ATCAY: variants seen among roughly 807,000 people sequenced by gnomAD.
The protein encoded by ATCAY is ATCAY kinesin light chain interacting caytaxin.
ATCAY carries 22 observed loss-of-function variants against 47.7 expected under a neutral mutation model. The observed-to-expected ratio is 0.46, with a 90% CI of 0.33 to 0.66. The LOEUF (loss-of-function observed/expected upper bound fraction) is 0.66. ATCAY is among the 30% of genes least tolerant of loss of function. The pLI, the probability that ATCAY is intolerant of heterozygous loss-of-function variation, is 0.02. For missense variants in ATCAY, 452 were observed against 515.0 expected (o/e 0.88, Z 1.18); for synonymous variants, 216 against 207.6 (o/e 1.04, Z -0.35).
At chr19:3,893,911 G>A (rs1440726269) in intron 2 of ATCAY, among the ~76,000 whole-genome samples, 1 of 149,642 alleles carries the variant, frequency 6.7e-6, no homozygotes, top group Non-Finnish European at 1.5e-5. Flanking sequence ...CTCTGCGCCA[G>A]GCACCCTGAG....
chr19:3,886,417 T>C (rs959917772), intron 2 of ATCAY, among the ~76,000 whole-genome samples: 5 of 151,876 alleles, frequency 3.3e-5, no homozygotes, highest in East Asian at 2.0e-4. Flanking sequence ...ATGGTGAAAC[T>C]CCATCTCTAC....
At chr19:3,923,745 T>C (rs1033996294) in intron 12 of ATCAY, among the ~76,000 whole-genome samples, 8 of 129,708 alleles carry the variant, frequency 6.2e-5, no homozygotes, top group East Asian at 5.1e-4. Context: ...GGTGGATGGA[T>C]GGATGGGTAG....
In ATCAY at chr19:3,908,294, A is replaced by G. The variant is rs946719341; in HGVS notation, c.571A>G (p.Ile191Val). Residue 191 changes from isoleucine (I) to valine (V), a missense_variant, in exon 6 of 13, where the codon ATC becomes GTC. Physicochemically the swap from Ile to Val is conservative, Grantham distance 29. Transcript: ENST00000450849. Reference protein sequence around the residue: ...GGYYGEGLNAIIVFAACFLPD... With the variant: ...GGYYGEGLNAVIVFAACFLPD... The stretch of plus-strand genomic sequence containing the variant: ...GTACTACGGCGAAGGCCTCAACGCC[A>G]TCATCGTCTTCGCAGCCTGCTTCCT... 1.4e-5 allele frequency: 22 copies of G among 1,584,394 alleles called. No individual in the cohort carries two copies. The highest frequency in any genetic ancestry group is 1.9e-5 in the Non-Finnish European group (22 of 1,165,344).
intron 9 of ATCAY, among the ~76,000 whole-genome samples, chr19:3,915,771 T>C (rs1031854270): frequency 6.9e-6 from 1 of 145,836 alleles, no homozygotes; most frequent in Non-Finnish European, 1.5e-5. Flanking sequence ...CCCAGGCTGG[T>C]CTCGAACTCC....
At chr19:3,912,309 C>CA (rs1262262456) in intron 8 of ATCAY, among the ~76,000 whole-genome samples, 61 of 149,594 alleles carry the variant, frequency 4.1e-4, no homozygotes, top group African/African-American at 1.2e-3. Flanking sequence ...CCTGTCTCTA[C>CA]AAAAAAAAAT....
Position 3,909,086 on chromosome 19 carries a change from A to G in ATCAY, c.648-400A>G, listed in dbSNP as rs1476310793. ...AAATCCTGCCTCTACTAAAACTACA[A>G]TTTAGCTGGGCTCGGTGGCAGGCGC... On this transcript the variant is annotated intron_variant, in intron 6 of 12. Coordinates refer to ENST00000450849, the MANE Select transcript of ATCAY (RefSeq NM_033064.5). Among the ~76,000 whole-genome samples, 5 of 126,552 alleles carry G rather than the reference A, an allele frequency of 4.0e-5. 1 individual carries two copies. The Middle Eastern group carries it at 0.014, about 367-fold the overall frequency. 83.0% of individuals were successfully genotyped at this position (126,552 alleles called of 152,430 possible). A position where few individuals can be genotyped will look rare whatever the true frequency, so the allele number is the denominator to read the frequency against.
intron 2 of ATCAY, among the ~76,000 whole-genome samples, chr19:3,887,773 A>G (rs538910392): frequency 4.3e-4 from 63 of 147,108 alleles, no homozygotes; most frequent in Middle Eastern, 3.4e-3. Flanking sequence ...GGCGTGAGCC[A>G]TCGCGCCCTA....
At chr19:3,915,717 ATTTTT>A (rs58629412) in intron 9 of ATCAY, among the ~76,000 whole-genome samples, 2 of 108,910 alleles carry the variant, frequency 1.8e-5, no homozygotes, top group South Asian at 3.2e-4. Context: ...TGCCCAGCTA[ATTTTT>A]TTTTTTTTTT....
At chr19:3,916,192 A>G (rs2038965043) in intron 9 of ATCAY, among the ~76,000 whole-genome samples, 1 of 152,142 alleles carries the variant, frequency 6.6e-6, no homozygotes, top group Non-Finnish European at 1.5e-5. Context: ...TGACATCCTC[A>G]AGGTGCATCC....
chr19:3,905,462 A>G lies in ATCAY; in HGVS notation c.165A>G (p.Gly55=). 6.2e-7 allele frequency: 1 copy of G among 1,612,822 alleles called. No homozygotes were observed. The highest frequency in any genetic ancestry group is 8.5e-7 in the Non-Finnish European group (1 of 1,179,318). ...CTCCCAACACGCTAAATTTCAACGG[A>G]GCGCATCGTAAGAGGAAGACGCTGG... ...SSPPNTLNFN[G]AHRKRKTLVA... Residue 55 remains glycine, a synonymous_variant, in exon 4 of 13, where the codon GGA becomes GGG. Transcript: ENST00000450849.
intron 7 of ATCAY, 101 bp from the exon 8 acceptor site, chr19:3,910,702 A>G (rs2038915362): frequency 8.6e-7 from 1 of 1,161,514 alleles, no homozygotes; most frequent in Non-Finnish European, 1.3e-6. Flanking sequence ...GAATGAGCAG[A>G]GTGACGAATG....
At chr19:3,900,964 C>T (rs1366384511) in intron 2 of ATCAY, among the ~76,000 whole-genome samples, 3 of 144,376 alleles carry the variant, frequency 2.1e-5, no homozygotes, top group East Asian at 2.0e-4. Flanking sequence ...TGCAGTGGCA[C>T]GATCTCGGCT....
At chr19:3,919,735 C>T (rs1343943461) in intron 11 of ATCAY, among the ~76,000 whole-genome samples, 1 of 145,440 alleles carries the variant, frequency 6.9e-6, no homozygotes. Flanking sequence ...GCCTGGGCAA[C>T]AGAGCAAGAC....
intron 9 of ATCAY, among the ~76,000 whole-genome samples, chr19:3,914,481 G>A (rs566903536): frequency 6.2e-4 from 94 of 152,068 alleles, no homozygotes; most frequent in Non-Finnish European, 9.6e-4. Flanking sequence ...CACAACAGGA[G>A]GGAATTATGG....
chr19:3,902,407 C>A (rs1009245200), intron 2 of ATCAY, 80 bp from the exon 3 acceptor site: 20 of 1,354,640 alleles, frequency 1.5e-5, no homozygotes, highest in African/African-American at 5.8e-5. Flanking sequence ...CCTGGCTGGA[C>A]CTGTCTGGGC....
At chr19:3,881,395 A>G (rs974326139) in intron 1 of ATCAY, among the ~76,000 whole-genome samples, 1 of 151,496 alleles carries the variant, frequency 6.6e-6, no homozygotes, top group Non-Finnish European at 1.5e-5. Context: ...AAAAAAAAAA[A>G]AAAAAAATCT....
chr19:3,905,609 C>T lies in ATCAY; in HGVS notation c.312C>T (p.Thr104=), dbSNP rs772431106. 9.3e-6 allele frequency: 15 copies of T among 1,613,522 alleles called. No homozygotes were observed. The highest frequency in any genetic ancestry group is 1.3e-5 in the African/African-American group (1 of 74,802). The change falls in exon 4 of 13, where the codon ACC becomes ACT. Residue 104 remains threonine, a synonymous_variant. Coordinates refer to ENST00000450849, the MANE Select transcript of ATCAY (RefSeq NM_033064.5). Reference sequence around the variant, plus strand: ...ATGACATCGAGACCCCCGATGAGACCGACTCGCTGGAGTTCCTGGGGAATG... The same window carrying T: ...ATGACATCGAGACCCCCGATGAGACTGACTCGCTGGAGTTCCTGGGGAATG... ...NVDDIETPDE[T]DSLEFLGNGN... is the part of the protein sequence containing the mutation.
intron 9 of ATCAY, among the ~76,000 whole-genome samples, chr19:3,917,053 C>T (rs966246996): frequency 1.3e-5 from 2 of 152,028 alleles, no homozygotes; most frequent in Non-Finnish European, 2.9e-5. Context: ...GTGATCTGCC[C>T]GCCTCGGCCT....
Position 3,907,227 on chromosome 19 carries a change from T to G in ATCAY, c.359-507T>G, listed in dbSNP as rs189308572. ...CGGGAGGCCAGGGTAGGAGGATCGC[T>G]TAAGGCCAGGAGTTTGAGACCAGCC... On this transcript the variant is annotated intron_variant, in intron 4 of 12. Coordinates refer to ENST00000450849, the MANE Select transcript of ATCAY (RefSeq NM_033064.5). This position sits in a 1 kb window ranked among gnomAD's most constrained non-coding sequence, Gnocchi z 5.1. Among the ~76,000 whole-genome samples, 572 of 149,404 alleles carry G rather than the reference T, an allele frequency of 3.8e-3. 5 individuals are homozygous for G. Among genetic ancestry groups the G allele is most frequent in the African/African-American group, 0.014 (555 of 40,476 alleles).
Sources: gnomAD v4.1 joint callset for allele counts (sites outside exome capture counted in the v4.1 genomes callset) on GRCh38, gnomAD v4.1.1 for gene constraint, Gnocchi (gnomAD v3.1) non-coding constraint, MANE v1.5 for transcripts, NCBI Gene and HGNC (gene_info 2026-07-23, HGNC 2026-07-21) for gene names.